The following ZC2HC1B variants were observed in gnomAD, a reference collection of about 807,000 sequenced individuals.
ZC2HC1B encodes the protein zinc finger C2HC-type containing 1B.
ZC2HC1B carries 36 observed loss-of-function variants against 31.0 expected under a neutral mutation model. The ratio of observed to expected loss-of-function variants is 1.16; its 90% CI spans 0.89 to 1.54. The LOEUF (loss-of-function observed/expected upper bound fraction) is 1.54, where lower values mean the gene tolerates loss of function less well. Ranked by LOEUF, ZC2HC1B falls within the 40% of genes most tolerant of loss-of-function variation. ZC2HC1B has a pLI of 0.00. For missense variants in ZC2HC1B, 260 were observed against 268.6 expected (o/e 0.97, Z 0.22); for synonymous variants, 73 against 88.0 (o/e 0.83, Z 0.95).
At chr6:143,881,246 A>G (rs1184505617) in intron 1 of ZC2HC1B, among the ~76,000 whole-genome samples, 2 of 152,074 alleles carry the variant, frequency 1.3e-5, no homozygotes, top group Non-Finnish European at 2.9e-5. Flanking sequence ...AGATTATTGC[A>G]TGTATCAGTG....
chr6:143,928,843 T>C (rs909652016), intron 6 of ZC2HC1B, among the ~76,000 whole-genome samples: 3 of 151,872 alleles, frequency 2.0e-5, no homozygotes, highest in Admixed American at 6.6e-5. Flanking sequence ...TTTGTTCTTT[T>C]TTTTTTAACT....
rs1314157312 is a variant in ZC2HC1B, at chr6:143,865,132, A to T, written c.28+565A>T. ...CTCCAAACTTAAATATTTTAATTTT[A>T]TTCTGAAGAACAAATTCATGATACT... is the stretch of plus-strand genomic sequence containing the variant. On this transcript the variant is annotated intron_variant, in intron 1 of 7. Transcript: ENST00000237275. This position sits in a 1 kb window ranked among gnomAD's most constrained non-coding sequence, Gnocchi z 4.4. 1.3e-5 allele frequency among the ~76,000 whole-genome samples: 2 copies of T among 152,242 alleles called. No individual in the cohort carries two copies. The highest frequency in any genetic ancestry group is 4.8e-5 in the African/African-American group (2 of 41,470).
rs1475872131 is a variant in ZC2HC1B, at chr6:143,871,332, A to C, written c.28+6765A>C. Among the ~76,000 whole-genome samples the C allele has an allele frequency of 6.6e-6, 1 of 152,248 alleles. No homozygotes were observed. The highest frequency in any genetic ancestry group is 1.5e-5 in the Non-Finnish European group (1 of 68,048). ...CTCTCTGAATAAGATTATGACACAAAGCCAAACAGTTAATATACCTCTGAG... is the reference window on the plus strand; with the variant it reads ...CTCTCTGAATAAGATTATGACACAACGCCAAACAGTTAATATACCTCTGAG... On this transcript the variant is annotated intron_variant, in intron 1 of 7. Transcript: ENST00000237275. The surrounding 1 kb of genome is among the most constrained non-coding windows in gnomAD (Gnocchi z 4.1).
chr6:143,865,689 G>A lies in ZC2HC1B; in HGVS notation c.28+1122G>A, dbSNP rs1366096308. Among the ~76,000 whole-genome samples the A allele has an allele frequency of 6.6e-6, 1 of 150,572 alleles. No homozygotes were observed. Among genetic ancestry groups the A allele is most frequent in the Non-Finnish European group, 1.5e-5 (1 of 67,836 alleles). ...AAAGTAGTGTATGAATGAATGGATA[G>A]ATGGGAAAGATTTCAGAAAAGAATT... On this transcript the variant is annotated intron_variant, in intron 1 of 7. Coordinates refer to ENST00000237275, the MANE Select transcript of ZC2HC1B (RefSeq NM_001013623.3). The surrounding 1 kb of genome is among the most constrained non-coding windows in gnomAD (Gnocchi z 4.4).
rs1778151104 is a variant in ZC2HC1B at position 143,934,052 on chromosome 6, C to G, written c.599-3597C>G. The stretch of plus-strand genomic sequence containing the variant: ...GCCTACAAGGCTTGTCCCACTGCTG[C>G]TTCTACTTTTACATTTCACAGCAAA... On this transcript the variant is annotated intron_variant, in intron 6 of 7. Coordinates refer to ENST00000237275, the MANE Select transcript of ZC2HC1B (RefSeq NM_001013623.3). This position sits in a 1 kb window ranked among gnomAD's most constrained non-coding sequence, Gnocchi z 4.6. Among the ~76,000 whole-genome samples the G allele has an allele frequency of 6.6e-6, 1 of 152,230 alleles. No homozygotes were observed. The highest frequency in any genetic ancestry group is 1.5e-5 in the Non-Finnish European group (1 of 68,044).
At chr6:143,927,145 A>C (rs976992037) in intron 6 of ZC2HC1B, among the ~76,000 whole-genome samples, 1 of 151,728 alleles carries the variant, frequency 6.6e-6, no homozygotes. Context: ...TTATATGGTG[A>C]CCTTGTTTAT....
chr6:143,879,386 G>A (rs562508954), intron 1 of ZC2HC1B, among the ~76,000 whole-genome samples: 4 of 152,254 alleles, frequency 2.6e-5, no homozygotes, highest in African/African-American at 7.2e-5. Flanking sequence ...AAAATTAGAC[G>A]GGAAGCTCTA....
intron 7 of ZC2HC1B, among the ~76,000 whole-genome samples, 198 bp from the exon 8 acceptor site, chr6:143,937,943 GA>G (rs1778197345): frequency 6.6e-6 from 1 of 152,186 alleles, no homozygotes; most frequent in Admixed American, 6.5e-5. Context: ...TAGGAAAGGG[GA>G]ATGATCCCTC....
At chr6:143,867,766 C>T (rs1232456931) in intron 1 of ZC2HC1B, among the ~76,000 whole-genome samples, 8 of 152,192 alleles carry the variant, frequency 5.3e-5, no homozygotes, top group East Asian at 1.9e-4. Context: ...TCGTGATAGC[C>T]GTCAACACGT....
At chr6:143,877,305 A>T (rs1309129076) in intron 1 of ZC2HC1B, among the ~76,000 whole-genome samples, 5 of 58,182 alleles carry the variant, frequency 8.6e-5, no homozygotes, top group Non-Finnish European at 1.6e-4. Flanking sequence ...TTTTTGAGAC[A>T]GAGTTTTGCT....
At chr6:143,882,725 G>A (rs1163210471) in intron 1 of ZC2HC1B, among the ~76,000 whole-genome samples, 3 of 151,780 alleles carry the variant, frequency 2.0e-5, no homozygotes, top group Non-Finnish European at 4.4e-5. Flanking sequence ...ATTTCTCAAA[G>A]CCTACATCTG....
At chr6:143,890,776 A>G (rs939468028) in intron 4 of ZC2HC1B, among the ~76,000 whole-genome samples, 1 of 152,212 alleles carries the variant, frequency 6.6e-6, no homozygotes, top group African/African-American at 2.4e-5. Flanking sequence ...ACAACATTTC[A>G]GGATATAAGG....
chr6:143,915,057 T>A lies in ZC2HC1B; in HGVS notation c.598+11905T>A, dbSNP rs1777901458. On this transcript the variant is annotated intron_variant, in intron 6 of 7. Transcript: ENST00000237275. The surrounding 1 kb of genome is among the most constrained non-coding windows in gnomAD (Gnocchi z 5.2). ...TGTTTTCTATATGCCTTACAGCTTTTTTGTTCCTCGTTTCCTGCATCACTG... is the reference window on the plus strand; with the variant it reads ...TGTTTTCTATATGCCTTACAGCTTTATTGTTCCTCGTTTCCTGCATCACTG... Among the ~76,000 whole-genome samples the A allele has an allele frequency of 6.6e-6, 1 of 152,214 alleles. No homozygotes were observed. The highest frequency in any genetic ancestry group is 6.5e-5 in the Admixed American group (1 of 15,286).
At chr6:143,893,229 A>G (rs1359975850) in intron 4 of ZC2HC1B, among the ~76,000 whole-genome samples, 7 of 152,192 alleles carry the variant, frequency 4.6e-5, no homozygotes, top group Non-Finnish European at 1.0e-4. Flanking sequence ...AGGAAAATGC[A>G]AATTAAAAAC....
At chr6:143,877,281 T>TTC (rs1777419387) in intron 1 of ZC2HC1B, among the ~76,000 whole-genome samples, 1 of 117,256 alleles carries the variant, frequency 8.5e-6, no homozygotes, top group East Asian at 2.6e-4. Context: ...TCTTTTTTTT[T>TTC]TTTTTTTTTT....
intron 6 of ZC2HC1B, among the ~76,000 whole-genome samples, chr6:143,928,755 C>T (rs1430814553): frequency 1.3e-5 from 2 of 150,424 alleles, no homozygotes; most frequent in Non-Finnish European, 3.0e-5. Context: ...CCTCTTAACT[C>T]TCTTTCATCA....
chr6:143,937,583 T>G (rs1778193609), intron 6 of ZC2HC1B, 66 bp from the exon 7 acceptor site: 1 of 1,293,918 alleles, frequency 7.7e-7, no homozygotes, highest in Non-Finnish European at 1.0e-6. Flanking sequence ...GATTTCACAA[T>G]CATGTCTTTT....
chr6:143,926,109 C>T (rs766502060), intron 6 of ZC2HC1B, among the ~76,000 whole-genome samples: 1 of 151,568 alleles, frequency 6.6e-6, no homozygotes, highest in Admixed American at 6.6e-5. Context: ...TTTTTAAAGT[C>T]TCTATTACAT....
Position 143,886,257 on chromosome 6 carries a change from A to C in ZC2HC1B, c.210+106A>C. The stretch of plus-strand genomic sequence containing the variant: ...TTTTGCTTGATAATACAGTAATGTA[A>C]TGTAACTGTAATCCACCTTTACTTT... On this transcript the variant is annotated intron_variant, in intron 3 of 7. Coordinates refer to ENST00000237275, the MANE Select transcript of ZC2HC1B (RefSeq NM_001013623.3). The surrounding 1 kb of genome is among the most constrained non-coding windows in gnomAD (Gnocchi z 4.2). The C allele has an allele frequency of 1.6e-6, 2 of 1,213,658 alleles. No homozygotes were observed. Among genetic ancestry groups the C allele is most frequent in the Non-Finnish European group, 2.1e-6 (2 of 942,520 alleles). The allele number at this position is 1,213,658 out of a possible 1,614,324, so 75.2% of individuals were successfully genotyped here. A position where few individuals can be genotyped will look rare whatever the true frequency, so the allele number is the denominator to read the frequency against.
Sources: allele counts gnomAD v4.1 joint callset (sites outside exome capture counted in the v4.1 genomes callset), GRCh38; gene constraint gnomAD v4.1.1; non-coding constraint Gnocchi (gnomAD v3.1); transcripts MANE v1.5; gene names NCBI Gene and HGNC (gene_info 2026-07-23, HGNC 2026-07-21).